Variants in C10orf67 observed in about 807,000 individuals in gnomAD.
C10orf67 encodes uncharacterized protein C10orf67, mitochondrial.
C10orf67 carries 60 observed loss-of-function variants against 35.6 expected under a neutral mutation model. The ratio of observed to expected loss-of-function variants is 1.68; its 90% CI spans 1.37 to 2.09. C10orf67 has a LOEUF of 2.09. Ranked by LOEUF, C10orf67 falls within the 30% of genes most tolerant of loss-of-function variation. C10orf67 has a pLI of 0.00. For missense variants in C10orf67, 474 were observed against 330.2 expected, an observed-to-expected ratio of 1.44 and a Z score of -3.38; for synonymous variants, 167 against 115.8, an observed-to-expected ratio of 1.44 and a Z score of -2.84.
intron 15 of C10orf67, among the ~76,000 whole-genome samples, chr10:23,219,942 C>T (rs1245638660): frequency 6.6e-6 from 1 of 152,108 alleles, no homozygotes; most frequent in Non-Finnish European, 1.5e-5. Context: ...GTATGTATGA[C>T]AGCAGGATAG....
chr10:23,259,600 A>G (rs1478840318), intron 10 of C10orf67, among the ~76,000 whole-genome samples: 1 of 152,212 alleles, frequency 6.6e-6, no homozygotes, highest in African/African-American at 2.4e-5. Context: ...TTTTGGAACT[A>G]TGACTTTGAA....
chr10:23,330,248 A>G lies in C10orf67; in HGVS notation c.327+2814T>C, dbSNP rs113576160. 2.1e-3 allele frequency among the ~76,000 whole-genome samples: 314 copies of G among 152,030 alleles called. 1 individual carries two copies. The highest frequency in any genetic ancestry group is 7.1e-3 in the African/African-American group (293 of 41,464). On this transcript the variant is annotated intron_variant, in intron 2 of 15. Transcript: ENST00000636213. ...CAAGGCAGGAGGATCACTCGAGGCC[A>G]GGGATTTGGGACCAGCTTGGGCAAC...
At chr10:23,339,940 A>G (rs1470518042) in intron 1 of C10orf67, among the ~76,000 whole-genome samples, 2 of 152,184 alleles carry the variant, frequency 1.3e-5, no homozygotes, top group African/African-American at 4.8e-5. Flanking sequence ...CATTTAACAG[A>G]TCCCAGTGAT....
At chr10:23,254,040 A>G (rs1842536111) in intron 10 of C10orf67, among the ~76,000 whole-genome samples, 2 of 152,188 alleles carry the variant, frequency 1.3e-5, no homozygotes, top group African/African-American at 4.8e-5. Context: ...GAATACACAC[A>G]CTGGTCTTTA....
At chr10:23,319,341 A>G (rs933767260) in intron 4 of C10orf67, among the ~76,000 whole-genome samples, 2 of 152,014 alleles carry the variant, frequency 1.3e-5, no homozygotes, top group African/African-American at 4.8e-5. Flanking sequence ...TGATTTTATT[A>G]TTTTTTATGG....
At position 23,299,622 on chromosome 10, in the gene C10orf67, C is replaced by T. The variant is rs895921339; in HGVS notation, c.702+3682G>A. Among the ~76,000 whole-genome samples, 8 of 152,138 alleles carry T rather than the reference C, an allele frequency of 5.3e-5. 1 individual carries two copies. The highest frequency in any genetic ancestry group is 1.3e-4 in the Admixed American group (2 of 15,282). Reference sequence around the variant, plus strand: ...GCTGGGAGAAGTATCTAGTGACTGGCTGTCCTAGGACCCCTTGGATAGTGA... The same window carrying T: ...GCTGGGAGAAGTATCTAGTGACTGGTTGTCCTAGGACCCCTTGGATAGTGA... On this transcript the variant is annotated intron_variant, in intron 5 of 15. Coordinates refer to ENST00000636213, the MANE Select transcript of C10orf67 (RefSeq NM_001371909.1).
intron 13 of C10orf67, among the ~76,000 whole-genome samples, chr10:23,237,197 C>T (rs1400501035): frequency 6.6e-6 from 1 of 152,148 alleles, no homozygotes; most frequent in African/African-American, 2.4e-5. Context: ...ATTCATGTTG[C>T]TGCAAAGGAC....
intron 10 of C10orf67, among the ~76,000 whole-genome samples, chr10:23,264,222 C>T (rs950929578): frequency 2.0e-5 from 3 of 152,104 alleles, no homozygotes; most frequent in African/African-American, 7.2e-5. Flanking sequence ...AAAGAATAAA[C>T]CACAGTGGAA....
At chr10:23,274,267 T>C (rs1387769111) in intron 8 of C10orf67, among the ~76,000 whole-genome samples, 1 of 152,128 alleles carries the variant, frequency 6.6e-6, no homozygotes, top group African/African-American at 2.4e-5. Flanking sequence ...ATAAACATCT[T>C]AACAGGAAAC....
chr10:23,333,621 T>C (rs1407919172), intron 1 of C10orf67, among the ~76,000 whole-genome samples: 1 of 152,216 alleles, frequency 6.6e-6, no homozygotes, highest in African/African-American at 2.4e-5. Flanking sequence ...ATTAATTTTA[T>C]AATAGTATTA....
intron 8 of C10orf67, among the ~76,000 whole-genome samples, chr10:23,268,429 A>T (rs2132203317): frequency 6.6e-6 from 1 of 152,350 alleles, no homozygotes; most frequent in East Asian, 1.9e-4. Context: ...TTCTAATTAT[A>T]AATAATCCTA....
At chr10:23,344,332 G>A (rs1254328876) in intron 1 of C10orf67, 3 of 568,376 alleles carry the variant, frequency 5.3e-6, no homozygotes, top group Admixed American at 3.1e-5. Context: ...GAGGGAGCAC[G>A]CGCGGGAGGA....
intron 15 of C10orf67, among the ~76,000 whole-genome samples, chr10:23,213,812 C>G (rs1409759054): frequency 6.6e-6 from 1 of 151,672 alleles, no homozygotes; most frequent in Non-Finnish European, 1.5e-5. Flanking sequence ...AGCAGAATAT[C>G]AGAAAATACA....
At chr10:23,267,353 T>C (rs887426098) in intron 8 of C10orf67, 99 bp from the exon 9 acceptor site, 1 of 569,430 alleles carries the variant, frequency 1.8e-6, no homozygotes. Context: ...AGTAACGTTT[T>C]AAACCATTTG....
rs1843021505 is a variant in C10orf67 at position 23,271,464 on chromosome 10, A to G, written c.976-4210T>C. Among the ~76,000 whole-genome samples, 3 of 152,360 alleles carry G rather than the reference A, an allele frequency of 2.0e-5. No individual in the cohort carries two copies. In the South Asian group the frequency reaches 6.2e-4, roughly 32 times the overall value. On this transcript the variant is annotated intron_variant, in intron 8 of 15. Transcript: ENST00000636213. ...AGTGGGATAGCCAGACCATCTGTTA[A>G]GTATAGAATTTTAGAAATTTCTTTT...
rs184919923 is a variant in C10orf67, at chr10:23,273,707, G to T, written c.976-6453C>A. Among the ~76,000 whole-genome samples, 320 of 152,322 alleles carry T rather than the reference G, an allele frequency of 2.1e-3. 3 individuals carry two copies. Among genetic ancestry groups the T allele is most frequent in the African/African-American group, 7.5e-3 (311 of 41,562 alleles). The stretch of plus-strand genomic sequence containing the variant: ...GATCCCACTCCATTCAAGGGAAGAA[G>T]GAGGCATAGAGCAATAGCTGGTCCA... On this transcript the variant is annotated intron_variant, in intron 8 of 15. Coordinates refer to ENST00000636213, the MANE Select transcript of C10orf67 (RefSeq NM_001371909.1).
intron 8 of C10orf67, among the ~76,000 whole-genome samples, chr10:23,271,250 C>A (rs1250273106): frequency 2.0e-5 from 3 of 152,196 alleles, no homozygotes; most frequent in Non-Finnish European, 4.4e-5. Flanking sequence ...GCACCCAATA[C>A]TGGAGCACCC....
intron 12 of C10orf67, among the ~76,000 whole-genome samples, chr10:23,244,996 A>G (rs1827990289): frequency 6.6e-6 from 1 of 152,222 alleles, no homozygotes; most frequent in East Asian, 1.9e-4. Context: ...GATTGTACTG[A>G]CATGAAAATA....
At chr10:23,239,464 G>A (rs374170300) in intron 13 of C10orf67, among the ~76,000 whole-genome samples, 12 of 152,124 alleles carry the variant, frequency 7.9e-5, no homozygotes, top group East Asian at 1.9e-4. Context: ...ATGAGTGCCC[G>A]CTCCTCTGAA....
Sources: allele counts gnomAD v4.1 joint callset (sites outside exome capture counted in the v4.1 genomes callset), GRCh38; gene constraint gnomAD v4.1.1; transcripts MANE v1.5; gene names NCBI Gene and HGNC (gene_info 2026-07-23, HGNC 2026-07-21).